Variants in CPEB3 observed in about 807,000 individuals in gnomAD.
CPEB3 encodes the protein cytoplasmic polyadenylation element-binding protein 3.
CPEB3 carries 20 observed loss-of-function variants against 67.2 expected under a neutral mutation model. The ratio of observed to expected loss-of-function variants is 0.30; its 90% CI spans 0.21 to 0.43. The LOEUF is 0.43. CPEB3 is among the 20% of genes least tolerant of loss of function. The pLI is 1.00. For missense variants in CPEB3, 746 were observed against 968.6 expected (o/e 0.77, Z 3.05); for synonymous variants, 376 against 393.1 (o/e 0.96, Z 0.51).
chr10:92,240,238 G>A lies in CPEB3; in HGVS notation c.113C>T (p.Thr38Met). ...PESSVSEAPS[T>M]PLSSETPKPE... ...CTTGGGGGTCTCTGAGGAGAGGGGC[G>A]TGGACGGGGCTTCGGATACGCTGGA... Residue 38 changes from threonine (T) to methionine (M), a missense_variant, in exon 2 of 10, where the codon ACG becomes ATG. By Grantham distance (81) the Thr-to-Met change is moderately conservative (BLOSUM62 -1). Transcript: ENST00000265997. The A allele has an allele frequency of 6.6e-7, 1 of 1,509,980 alleles. No homozygotes were observed. The highest frequency in any genetic ancestry group is 8.9e-7 in the Non-Finnish European group (1 of 1,127,382). 93.5% of individuals were successfully genotyped at this position (1,509,980 alleles called of 1,614,324 possible). A position where few individuals can be genotyped will look rare whatever the true frequency, so the allele number is the denominator to read the frequency against.
intron 1 of CPEB3, among the ~76,000 whole-genome samples, chr10:92,253,463 C>CAAAAAAAAAAAAAAAAAAA (rs370091703): frequency 1.3e-5 from 1 of 76,850 alleles, no homozygotes; most frequent in Non-Finnish European, 2.6e-5. Flanking sequence ...TGTCTCAAAA[C>CAAAAAAAAAAAAAAAAAAA]AAAAAAAAAA....
chr10:92,250,235 A>G (rs1270966149), intron 1 of CPEB3, among the ~76,000 whole-genome samples: 1 of 149,004 alleles, frequency 6.7e-6, no homozygotes, highest in Admixed American at 6.7e-5. Flanking sequence ...CTACAGGCGC[A>G]CTCCACCACA....
intron 6 of CPEB3, among the ~76,000 whole-genome samples, chr10:92,135,231 T>C (rs1163909339): frequency 6.6e-6 from 1 of 152,210 alleles, no homozygotes; most frequent in Non-Finnish European, 1.5e-5. Context: ...GCAGGTAACC[T>C]ACAGAATAGG....
At chr10:92,181,063 A>G (rs769616822) in intron 3 of CPEB3, 44 bp from the exon 4 acceptor site, 6 of 1,029,138 alleles carry the variant, frequency 5.8e-6, no homozygotes, top group South Asian at 2.6e-5. Flanking sequence ...GTTTAATGTA[A>G]TCATTTCAAA....
At chr10:92,284,474 T>C (rs1226971872) in intron 1 of CPEB3, among the ~76,000 whole-genome samples, 3 of 152,168 alleles carry the variant, frequency 2.0e-5, no homozygotes, top group African/African-American at 7.2e-5. Flanking sequence ...TTTGGTTTTC[T>C]CTTGCCTCAA....
chr10:92,072,461 G>C (rs1219056593), intron 9 of CPEB3, among the ~76,000 whole-genome samples: 1 of 152,144 alleles, frequency 6.6e-6, no homozygotes, highest in Non-Finnish European at 1.5e-5. Flanking sequence ...ACATCTGCCT[G>C]TTCAGCCTAG....
intron 1 of CPEB3, among the ~76,000 whole-genome samples, chr10:92,255,010 CTT>C (rs1852460816): frequency 2.0e-5 from 3 of 152,028 alleles, no homozygotes; most frequent in Admixed American, 2.0e-4. Flanking sequence ...ACCCAGTTCT[CTT>C]GTCTGTAACT....
In CPEB3 at chr10:92,082,440, G is replaced by A. The variant is rs370318166; in HGVS notation, c.1688-939C>T. Among the ~76,000 whole-genome samples, 30 of 152,148 alleles carry A rather than the reference G, an allele frequency of 2.0e-4. 1 individual carries two copies. In the East Asian group the frequency reaches 3.9e-3, roughly 20 times the overall value. Reference sequence around the variant, plus strand: ...ATTACAGGCATGCACCACCACACTTGGCTAATTTTTTGTATTTTTAGTAGA... The same window carrying A: ...ATTACAGGCATGCACCACCACACTTAGCTAATTTTTTGTATTTTTAGTAGA... On this transcript the variant is annotated intron_variant, in intron 8 of 9. Transcript: ENST00000265997.
chr10:92,096,033 AT>A (rs11335065), intron 7 of CPEB3, among the ~76,000 whole-genome samples: 93,876 of 102,582 alleles, frequency 0.92, 43,024 homozygotes, highest in East Asian at 0.96. Context: ...CACCTGGCTG[AT>A]TTTTTTTTTT....
chr10:92,126,050 A>C (rs1244563413), intron 6 of CPEB3, among the ~76,000 whole-genome samples: 2 of 152,158 alleles, frequency 1.3e-5, no homozygotes, highest in African/African-American at 4.8e-5. Context: ...TAAGTAGTCA[A>C]GGATTCTAGG....
At chr10:92,189,835 AT>A (rs11295068) in intron 3 of CPEB3, among the ~76,000 whole-genome samples, 144,227 of 146,572 alleles carry the variant, frequency 0.98, 70,957 homozygotes, top group East Asian at 1. Context: ...GCCTCCAGTG[AT>A]TTTTTTTTTT....
At chr10:92,129,318 A>T (rs1845736640) in intron 6 of CPEB3, among the ~76,000 whole-genome samples, 1 of 152,166 alleles carries the variant, frequency 6.6e-6, no homozygotes, top group African/African-American at 2.4e-5. Context: ...GGGGAACAAC[A>T]GACACAATAG....
intron 9 of CPEB3, among the ~76,000 whole-genome samples, chr10:92,067,339 A>G (rs1289143476): frequency 6.6e-6 from 1 of 150,752 alleles, no homozygotes; most frequent in East Asian, 2.0e-4. Flanking sequence ...CATCTCTACT[A>G]AAAATACAAA....
intron 1 of CPEB3, among the ~76,000 whole-genome samples, chr10:92,276,347 C>T (rs1410032677): frequency 2.8e-5 from 4 of 143,260 alleles, no homozygotes; most frequent in Non-Finnish European, 6.0e-5. Context: ...GGCACGATCT[C>T]GGGTCACTGC....
chr10:92,147,371 G>A (rs935245689), intron 4 of CPEB3, among the ~76,000 whole-genome samples: 13 of 151,992 alleles, frequency 8.6e-5, no homozygotes, highest in Admixed American at 7.2e-4. Context: ...TGGGAGGATC[G>A]CTTGAGTCCA....
Position 92,155,438 on chromosome 10 carries a change from G to A in CPEB3, c.1223-10353C>T, listed in dbSNP as rs528129828. ...GAGGAAGTCTGCCAATTCATCAGAA[G>A]TATACTATGCAGAGTTGGCTCAAAT... On this transcript the variant is annotated intron_variant, in intron 4 of 9. Coordinates refer to ENST00000265997, the MANE Select transcript of CPEB3 (RefSeq NM_014912.5). 9.3e-4 allele frequency among the ~76,000 whole-genome samples: 141 copies of A among 152,274 alleles called. 1 individual carries two copies. Among genetic ancestry groups the A allele is most frequent in the Middle Eastern group, 3.4e-3 (1 of 294 alleles).
At chr10:92,229,817 G>GGGAGATC (rs1851178215) in intron 2 of CPEB3, among the ~76,000 whole-genome samples, 1 of 152,246 alleles carries the variant, frequency 6.6e-6, no homozygotes, top group Admixed American at 6.5e-5. Flanking sequence ...GGCCAAGGCA[G>GGGAGATC]GGAGATCACC....
chr10:92,215,556 C>G (rs900322945), intron 2 of CPEB3, among the ~76,000 whole-genome samples: 2 of 150,496 alleles, frequency 1.3e-5, no homozygotes, highest in African/African-American at 4.9e-5. Context: ...ATTTTCCTGC[C>G]TCTGCCTCCT....
At chr10:92,145,165 A>AT in intron 4 of CPEB3, 80 bp from the exon 5 acceptor site, 4 of 1,529,092 alleles carry the variant, frequency 2.6e-6, no homozygotes, top group Non-Finnish European at 3.6e-6. Context: ...AGGACAATAA[A>AT]TGCTCTATTA....
Sources: allele counts gnomAD v4.1 joint callset (sites outside exome capture counted in the v4.1 genomes callset), GRCh38; gene constraint gnomAD v4.1.1; transcripts MANE v1.5; gene names NCBI Gene and HGNC (gene_info 2026-07-23, HGNC 2026-07-21).